The following RGS6 variants were observed in gnomAD, a reference collection of about 807,000 sequenced individuals.
RGS6 encodes the protein regulator of G protein signaling 6.
RGS6 carries 30 observed loss-of-function variants against 78.5 expected under a neutral mutation model. The ratio of observed to expected loss-of-function variants is 0.38; its 90% CI spans 0.29 to 0.52. The LOEUF is 0.52. RGS6 is among the 20% of genes least tolerant of loss of function. The pLI, the probability that RGS6 is intolerant of heterozygous loss-of-function variation, is 0.85. For synonymous variants in RGS6, 206 were observed against 206.0 expected, an observed-to-expected ratio of 1.00 and a Z score of 0.00; for missense variants, 495 against 609.7, an observed-to-expected ratio of 0.81 and a Z score of 1.98.
At chr14:72,454,631 A>G (rs1488389272) in intron 4 of RGS6, 53 bp downstream of exon 4, 6 of 1,502,212 alleles carry the variant, frequency 4.0e-6, no homozygotes, top group Non-Finnish European at 4.6e-6. Context: ...TAAACATCCC[A>G]TAACCAAGTT....
At chr14:72,207,467 T>G (rs1479033630) in intron 2 of RGS6, among the ~76,000 whole-genome samples, 1 of 152,210 alleles carries the variant, frequency 6.6e-6, no homozygotes, top group Non-Finnish European at 1.5e-5. Context: ...TGTCCACCCT[T>G]TATGCCTAAT....
chr14:72,264,112 A>G (rs1366791657), intron 2 of RGS6, among the ~76,000 whole-genome samples: 1 of 152,218 alleles, frequency 6.6e-6, no homozygotes, highest in Non-Finnish European at 1.5e-5. Flanking sequence ...ATATCAGTTC[A>G]GGTCAGGTTT....
At chr14:72,612,495 T>C in the RGS6 span, 1 of 518,892 alleles carries the variant, frequency 1.9e-6, no homozygotes, top group Non-Finnish European at 3.8e-6. Context: ...GCACGGGGTA[T>C]ATTTTCTTTT....
At chr14:72,126,832 A>G (rs1292840484) in intron 2 of RGS6, among the ~76,000 whole-genome samples, 1 of 152,156 alleles carries the variant, frequency 6.6e-6, no homozygotes, top group African/African-American at 2.4e-5. Flanking sequence ...CTTACCTTTT[A>G]AATCAGTAAG....
intron 2 of RGS6, among the ~76,000 whole-genome samples, chr14:72,310,770 C>G (rs1044249088): frequency 6.6e-6 from 1 of 152,166 alleles, no homozygotes; most frequent in Admixed American, 6.5e-5. Flanking sequence ...CTCCCCTGAG[C>G]CTTCATAAGA....
intron 2 of RGS6, among the ~76,000 whole-genome samples, chr14:72,349,527 T>TG (rs1435559669): frequency 3.3e-5 from 5 of 152,186 alleles, no homozygotes; most frequent in Non-Finnish European, 7.3e-5. Context: ...AGTCAGGAAC[T>TG]GGGGGGCAAT....
intron 1 of RGS6, among the ~76,000 whole-genome samples, chr14:71,936,349 C>A (rs1193550172): frequency 6.6e-6 from 1 of 151,948 alleles, no homozygotes; most frequent in African/African-American, 2.4e-5. Flanking sequence ...TTTATATTCG[C>A]TGGAAGCTGA....
intron 2 of RGS6, among the ~76,000 whole-genome samples, chr14:72,048,719 A>T (rs1223763427): frequency 6.6e-6 from 1 of 152,028 alleles, no homozygotes; most frequent in South Asian, 2.1e-4. Flanking sequence ...GAAAATTGAG[A>T]TATGAAATTA....
At chr14:71,909,378 A>G in the RGS6 span, among the ~76,000 whole-genome samples, 1 of 152,158 alleles carries the variant, frequency 6.6e-6, no homozygotes, top group Non-Finnish European at 1.5e-5. Flanking sequence ...AGTATTTGCT[A>G]TGTTCAGAAA....
intron 2 of RGS6, among the ~76,000 whole-genome samples, chr14:72,027,665 C>G (rs1029092600): frequency 6.6e-6 from 1 of 152,162 alleles, no homozygotes; most frequent in East Asian, 1.9e-4. Context: ...AGTCTAGGGT[C>G]AGAGTAGAGT....
intron 3 of RGS6, among the ~76,000 whole-genome samples, chr14:72,392,952 G>A (rs146714488): frequency 2.6e-4 from 39 of 152,294 alleles, no homozygotes; most frequent in South Asian, 4.1e-4. Context: ...TGGCAGCAGC[G>A]CAAACCTTCA....
chr14:72,592,776 T>C, the RGS6 span, among the ~76,000 whole-genome samples: 1 of 152,164 alleles, frequency 6.6e-6, no homozygotes, highest in African/African-American at 2.4e-5. Flanking sequence ...TCTGCTATGA[T>C]GGATGGACAC....
chr14:72,045,827 G>A, intron 2 of RGS6, among the ~76,000 whole-genome samples: 1 of 152,088 alleles, frequency 6.6e-6, no homozygotes, highest in Non-Finnish European at 1.5e-5. Flanking sequence ...ACTCTGGAGA[G>A]TAGGCCTTTA....
intron 2 of RGS6, among the ~76,000 whole-genome samples, chr14:72,188,316 G>A (rs1401469477): frequency 1.3e-5 from 2 of 152,116 alleles, no homozygotes; most frequent in African/African-American, 4.8e-5. Context: ...ACCTAGCCCT[G>A]TATCTCTCCC....
chr14:72,218,096 C>T (rs2046009151), intron 2 of RGS6, among the ~76,000 whole-genome samples: 2 of 152,220 alleles, frequency 1.3e-5, no homozygotes, highest in East Asian at 1.9e-4. Context: ...GATATTCAAG[C>T]GTGTCCCATA....
At chr14:72,609,124 A>G in the RGS6 span, among the ~76,000 whole-genome samples, 1 of 152,232 alleles carries the variant, frequency 6.6e-6, no homozygotes, top group Admixed American at 6.5e-5. Context: ...AACCAATCAC[A>G]GAACAAGATA....
intron 2 of RGS6, among the ~76,000 whole-genome samples, chr14:72,148,886 C>T (rs1255866075): frequency 1.3e-5 from 2 of 152,160 alleles, no homozygotes; most frequent in Non-Finnish European, 2.9e-5. Flanking sequence ...TCAAGATGGG[C>T]AGAAGTAGAG....
intron 17 of RGS6, among the ~76,000 whole-genome samples, chr14:72,558,144 T>A (rs751964487): frequency 3.3e-5 from 5 of 152,170 alleles, no homozygotes; most frequent in Non-Finnish European, 4.4e-5. Context: ...AATTTCATCC[T>A]TCTCCCCCAG....
At chr14:72,417,223 T>A (rs1006931124) in intron 3 of RGS6, among the ~76,000 whole-genome samples, 3 of 152,182 alleles carry the variant, frequency 2.0e-5, no homozygotes, top group Non-Finnish European at 4.4e-5. Context: ...TGAGAAAGAT[T>A]GATTGAAATG....
Sources: allele counts gnomAD v4.1 joint callset (sites outside exome capture counted in the v4.1 genomes callset), GRCh38; gene constraint gnomAD v4.1.1; transcripts MANE v1.5; gene names NCBI Gene and HGNC (gene_info 2026-07-23, HGNC 2026-07-21).